Variants in DNAH11 observed in about 807,000 individuals in gnomAD.
The protein encoded by DNAH11 is dynein axonemal heavy chain 11.
A neutral mutation model predicts 526.0 loss-of-function variants in DNAH11; 442 were observed. The ratio of observed to expected loss-of-function variants is 0.84; its 90% CI spans 0.78 to 0.91. DNAH11 has a LOEUF of 0.91. Ranked by LOEUF, DNAH11 falls within the 40% of genes least tolerant of loss-of-function variation. DNAH11 has a pLI of 0.00. For missense variants in DNAH11, 6,989 were observed against 5,448.7 expected, an observed-to-expected ratio of 1.28 and a Z score of -8.90; for synonymous variants, 2,461 against 1,935.9, an observed-to-expected ratio of 1.27 and a Z score of -7.12.
rs749842008 is a variant in DNAH11 at position 21,866,538 on chromosome 7, G to A, written c.11565G>A (p.Arg3855=). Residue 3855 remains arginine (R), a synonymous_variant, in exon 71 of 82, where the codon AGG becomes AGA. Coordinates refer to ENST00000409508, the MANE Select transcript of DNAH11 (RefSeq NM_001277115.2). ...RDVEGSAKQW[R]KWVESECPEK... ...TGGAAGGATCTGCCAAGCAGTGGAGGAAGTGGGTAGAATCCGAGTGTCCAG... is the reference window on the plus strand; with the variant it reads ...TGGAAGGATCTGCCAAGCAGTGGAGAAAGTGGGTAGAATCCGAGTGTCCAG... The A allele has an allele frequency of 1.9e-6, 3 of 1,613,938 alleles. No individual in the cohort carries two copies. In the Admixed American group the frequency reaches 5.0e-5, roughly 27 times the overall value.
intron 28 of DNAH11, among the ~76,000 whole-genome samples, chr7:21,654,660 A>C (rs1297754232): frequency 6.6e-6 from 1 of 152,158 alleles, no homozygotes; most frequent in Non-Finnish European, 1.5e-5. Context: ...GGAACCACAA[A>C]ACTGTTTTCC....
At chr7:21,664,271 C>G (rs1397727615) in intron 30 of DNAH11, among the ~76,000 whole-genome samples, 2 of 151,240 alleles carry the variant, frequency 1.3e-5, no homozygotes, top group Admixed American at 6.6e-5. Context: ...AGCTCTAGTT[C>G]TGAGGCTGGA....
Position 21,748,615 on chromosome 7 carries a change from G to A in DNAH11, c.8546G>A (p.Gly2849Asp). Reference sequence around the variant, plus strand: ...AGCCGGATCTTACGAACCCCTCAGGGCTGTGCTCTCTTGGTTGGAGTTGGG... The same window carrying A: ...AGCCGGATCTTACGAACCCCTCAGGACTGTGCTCTCTTGGTTGGAGTTGGG... ...RISRILRTPQ[G>D]CALLVGVGGS... Residue 2849 changes from glycine (G) to aspartate (D), a missense_variant, in exon 52 of 82, where the codon GGC becomes GAC. By Grantham distance (94) the Gly-to-Asp change is moderately conservative (BLOSUM62 -1). Coordinates refer to ENST00000409508, the MANE Select transcript of DNAH11 (RefSeq NM_001277115.2). 1 of 1,610,358 alleles carries A rather than the reference G, an allele frequency of 6.2e-7. No homozygotes were observed. The highest frequency in any genetic ancestry group is 8.5e-7 in the Non-Finnish European group (1 of 1,177,912).
chr7:21,622,721 G>A (rs1347651568), intron 25 of DNAH11, among the ~76,000 whole-genome samples: 5 of 152,144 alleles, frequency 3.3e-5, no homozygotes, highest in Non-Finnish European at 5.9e-5. Flanking sequence ...ATGGGGAAAG[G>A]ATTCCCCATT....
At chr7:21,885,262 A>C (rs1287173436) in intron 76 of DNAH11, among the ~76,000 whole-genome samples, 1 of 148,606 alleles carries the variant, frequency 6.7e-6, no homozygotes, top group Non-Finnish European at 1.5e-5. Flanking sequence ...TTAATATTTT[A>C]TGTGTGATAA....
chr7:21,700,949 G>T (rs1304066092), intron 36 of DNAH11, among the ~76,000 whole-genome samples: 1 of 152,118 alleles, frequency 6.6e-6, no homozygotes, highest in Non-Finnish European at 1.5e-5. Flanking sequence ...TCACACACTG[G>T]AGCCTGTTGG....
intron 44 of DNAH11, among the ~76,000 whole-genome samples, chr7:21,722,717 C>T (rs1339665005): frequency 6.6e-6 from 1 of 152,194 alleles, no homozygotes; most frequent in Non-Finnish European, 1.5e-5. Context: ...GTGTCAGGGA[C>T]TTCATGTGGC....
At chr7:21,872,085 C>G (rs1583796430) in intron 73 of DNAH11, among the ~76,000 whole-genome samples, 1 of 124,288 alleles carries the variant, frequency 8.0e-6, no homozygotes, top group South Asian at 2.6e-4. Flanking sequence ...GATCGCACCA[C>G]TGCACTCCAG....
At chr7:21,835,242 CAG>C (rs893481728) in intron 65 of DNAH11, among the ~76,000 whole-genome samples, 12 of 83,378 alleles carry the variant, frequency 1.4e-4, no homozygotes, top group South Asian at 6.8e-4. Flanking sequence ...AAAAAAAAAA[CAG>C]AGGGAGTTCT....
chr7:21,646,807 A>C (rs182433236), intron 28 of DNAH11, among the ~76,000 whole-genome samples: 1 of 152,346 alleles, frequency 6.6e-6, no homozygotes, highest in African/African-American at 2.4e-5. Context: ...TTAAATAGCA[A>C]TATCCAAAAG....
intron 57 of DNAH11, among the ~76,000 whole-genome samples, chr7:21,781,214 A>C (rs964751745): frequency 6.6e-6 from 1 of 152,240 alleles, no homozygotes; most frequent in Non-Finnish European, 1.5e-5. Context: ...GCAGTAATTT[A>C]AAAGTAATGC....
In DNAH11 at chr7:21,745,010, T is replaced by C; in HGVS notation, c.8457T>C (p.Asn2819=). 1 of 1,610,210 alleles carries C rather than the reference T, an allele frequency of 6.2e-7. No individual in the cohort carries two copies. Among genetic ancestry groups the C allele is most frequent in the East Asian group, 2.2e-5 (1 of 44,764 alleles). ...TTACAGAAACGTTAGACAACTACAATGAACTAAATGCTGCCATGCACCTAG... is the reference window on the plus strand; with the variant it reads ...TTACAGAAACGTTAGACAACTACAACGAACTAAATGCTGCCATGCACCTAG... ...TILTETLDNY[N]ELNAAMHLVL... The change falls in exon 51 of 82, where the codon AAT becomes AAC. Residue 2819 remains asparagine, a synonymous_variant. Coordinates refer to ENST00000409508, the MANE Select transcript of DNAH11 (RefSeq NM_001277115.2).
At chr7:21,552,771 C>G (rs898672645) in intron 2 of DNAH11, among the ~76,000 whole-genome samples, 7 of 152,212 alleles carry the variant, frequency 4.6e-5, no homozygotes, top group Non-Finnish European at 1.5e-5. Context: ...AAAGAGGTCT[C>G]TGCTCCTGAA....
intron 45 of DNAH11, among the ~76,000 whole-genome samples, chr7:21,726,434 G>A (rs949271812): frequency 1.3e-5 from 2 of 151,440 alleles, no homozygotes; most frequent in African/African-American, 4.9e-5. Context: ...ATATTCAAGT[G>A]AAGTGTGCTG....
intron 66 of DNAH11, among the ~76,000 whole-genome samples, chr7:21,843,136 T>G (rs2128017175): frequency 6.6e-6 from 1 of 152,348 alleles, no homozygotes; most frequent in East Asian, 1.9e-4. Context: ...TAGTTGTGAC[T>G]AGTATTCAAA....
In DNAH11 at chr7:21,786,597, T is replaced by C. The variant is rs747799275; in HGVS notation, c.9598-27T>C. ...CAGACTTCCGCTAATCCTGTCTGTGTACGTGTTTCTGTGTGCTTTTCTTCA... is the reference window on the plus strand; with the variant it reads ...CAGACTTCCGCTAATCCTGTCTGTGCACGTGTTTCTGTGTGCTTTTCTTCA... On this transcript the variant is annotated intron_variant, in intron 58 of 81. Coordinates refer to ENST00000409508, the MANE Select transcript of DNAH11 (RefSeq NM_001277115.2). 10 of 1,599,458 alleles carry C rather than the reference T, an allele frequency of 6.3e-6. No individual in the cohort carries two copies. In the Middle Eastern group the frequency reaches 1.4e-3, roughly 217 times the overall value.
chr7:21,612,919 A>G lies in DNAH11; in HGVS notation c.3853-2195A>G, dbSNP rs75914657. ...GAGAAAAAATCGTATGATTATCGCG[A>G]GAAATGCCAAAAGAACTTTAGCTAT... On this transcript the variant is annotated intron_variant, in intron 20 of 81. Transcript: ENST00000409508. Among the ~76,000 whole-genome samples, 477 of 152,372 alleles carry G rather than the reference A, an allele frequency of 3.1e-3. 4 individuals are homozygous for G. In the East Asian group the frequency reaches 0.034, roughly 11 times the overall value.
In DNAH11 at chr7:21,821,426, A is replaced by G. The variant is rs114908271; in HGVS notation, c.10691+3087A>G. Among the ~76,000 whole-genome samples the G allele has an allele frequency of 4.4e-3, 674 of 152,278 alleles. 6 individuals carry two copies. The highest frequency in any genetic ancestry group is 0.015 in the African/African-American group (643 of 41,556). ...GGAGACTCTGTACAGCCAGAAAAAC[A>G]GAGGGTACCCTGTCTTGCCTCTGCT... On this transcript the variant is annotated intron_variant, in intron 65 of 81. Coordinates refer to ENST00000409508, the MANE Select transcript of DNAH11 (RefSeq NM_001277115.2).
In DNAH11 at chr7:21,564,362, T is replaced by C; in HGVS notation, c.1159T>C (p.Leu387=). 6.2e-7 allele frequency: 1 copy of C among 1,613,350 alleles called. No homozygotes were observed. The highest frequency in any genetic ancestry group is 1.3e-5 in the African/African-American group (1 of 75,030). ...FYNTPARVIV[L]LQEFCNLFIN... ...TAACACCCCAGCTCGGGTTATAGTT[T>C]TATTGCAAGAGTTTTGTAATCTCTT... The change falls in exon 6 of 82, where the codon TTA becomes CTA. Residue 387 remains leucine, a synonymous_variant. Transcript: ENST00000409508.
Sources: gnomAD v4.1 joint callset for allele counts (sites outside exome capture counted in the v4.1 genomes callset) on GRCh38, gnomAD v4.1.1 for gene constraint, MANE v1.5 for transcripts, NCBI Gene and HGNC (gene_info 2026-07-23, HGNC 2026-07-21) for gene names.